The following ZFP91 variants were observed in gnomAD, a reference collection of about 807,000 sequenced individuals.
ZFP91 encodes E3 ubiquitin-protein ligase ZFP91.
In ZFP91, 7 loss-of-function variants were observed where a neutral mutation model predicts 63.5. The ratio of observed to expected loss-of-function variants is 0.11; its 90% CI spans 0.06 to 0.21. The LOEUF (loss-of-function observed/expected upper bound fraction) is 0.21, where lower values mean the gene tolerates loss of function less well. Ranked by LOEUF, ZFP91 falls within the 10% of genes least tolerant of loss-of-function variation. ZFP91 has a pLI of 1.00. For synonymous variants in ZFP91, 330 were observed against 272.1 expected, an observed-to-expected ratio of 1.21 and a Z score of -2.10; for missense variants, 628 against 736.6, an observed-to-expected ratio of 0.85 and a Z score of 1.71.
chr11:58,590,161 T>A (rs943761717), intron 2 of ZFP91, among the ~76,000 whole-genome samples: 15 of 152,200 alleles, frequency 9.9e-5, no homozygotes, highest in Non-Finnish European at 1.5e-4. Flanking sequence ...TCCAAAACCT[T>A]TAAGAGAGAC....
At position 58,579,426 on chromosome 11, in the gene ZFP91, G is replaced by A; in HGVS notation, c.145G>A (p.Val49Met). The change falls in exon 1 of 11, where the codon GTG (valine) becomes ATG (methionine). Residue 49 changes from valine (V) to methionine (M), a missense_variant. Physicochemically the swap from Val to Met is conservative, Grantham distance 21. Around this residue, in one of 3 missense-constraint regions of ZFP91, gnomAD observed 437 missense variants for 380.3 expected, o/e 1.15. Transcript: ENST00000316059. Reference sequence around the variant, plus strand: ...GCCTGCAGGGACCACTAGCAGCCGCGTGCTGAGGGGAGGTCGGGACCGAGG... The same window carrying A: ...GCCTGCAGGGACCACTAGCAGCCGCATGCTGAGGGGAGGTCGGGACCGAGG... The part of the protein sequence containing the change: ...AAPAGTTSSR[V>M]LRGGRDRGRA... 1 of 1,446,342 alleles carries A rather than the reference G, an allele frequency of 6.9e-7. No homozygotes were observed. The highest frequency in any genetic ancestry group is 9.0e-7 in the Non-Finnish European group (1 of 1,108,332). The allele number at this position is 1,446,342 out of a possible 1,614,324, so 89.6% of individuals were successfully genotyped here. A position where few individuals can be genotyped will look rare whatever the true frequency, so the allele number is the denominator to read the frequency against.
chr11:58,589,115 A>G (rs1042609530), intron 2 of ZFP91, among the ~76,000 whole-genome samples: 1 of 152,176 alleles, frequency 6.6e-6, no homozygotes, highest in Non-Finnish European at 1.5e-5. Context: ...TTTATTGCCC[A>G]GGCTGGAGTG....
chr11:58,587,754 C>T (rs1469042284), intron 2 of ZFP91, among the ~76,000 whole-genome samples: 1 of 152,080 alleles, frequency 6.6e-6, no homozygotes, highest in Non-Finnish European at 1.5e-5. Flanking sequence ...ACTTTCTAAC[C>T]TCTGACTAGA....
At chr11:58,607,387 G>T (rs1855585619) in intron 2 of ZFP91, among the ~76,000 whole-genome samples, 1 of 152,114 alleles carries the variant, frequency 6.6e-6, no homozygotes, top group African/African-American at 2.4e-5. Flanking sequence ...TGGGCTTCCA[G>T]ATACTTTATG....
intron 1 of ZFP91, among the ~76,000 whole-genome samples, chr11:58,583,892 A>G: frequency 6.6e-6 from 1 of 151,946 alleles, no homozygotes; most frequent in East Asian, 1.9e-4. Context: ...TAGAGTCTTT[A>G]CTATATTAGG....
chr11:58,614,158 T>G (rs1855712282), intron 8 of ZFP91, 71 bp from the exon 9 acceptor site: 3 of 979,966 alleles, frequency 3.1e-6, no homozygotes, highest in Non-Finnish European at 4.5e-6. Flanking sequence ...TACTTTTGAC[T>G]TAGCAAAGAC....
intron 2 of ZFP91, among the ~76,000 whole-genome samples, chr11:58,587,549 A>G (rs1469082065): frequency 2.0e-5 from 3 of 152,196 alleles, no homozygotes; most frequent in Non-Finnish European, 4.4e-5. Context: ...GCAGAGGATT[A>G]TCTTCATGAT....
At chr11:58,593,194 A>G (rs574075631) in intron 2 of ZFP91, among the ~76,000 whole-genome samples, 2 of 152,202 alleles carry the variant, frequency 1.3e-5, no homozygotes, top group Non-Finnish European at 2.9e-5. Context: ...AATGTATTAC[A>G]TATTTCACAG....
intron 2 of ZFP91, among the ~76,000 whole-genome samples, chr11:58,591,595 C>G (rs72921844): frequency 9.3e-4 from 141 of 152,222 alleles, no homozygotes; most frequent in Admixed American, 2.0e-3. Context: ...ATAGTTAATC[C>G]GTATTCTCAC....
At chr11:58,603,721 A>G (rs1281970299) in intron 2 of ZFP91, among the ~76,000 whole-genome samples, 1 of 152,238 alleles carries the variant, frequency 6.6e-6, no homozygotes, top group Non-Finnish European at 1.5e-5. Context: ...ACAAACCATT[A>G]TCCACAAAAG....
At chr11:58,616,607 G>A in intron 9 of ZFP91, 109 bp from the exon 10 acceptor site, 1 of 747,250 alleles carries the variant, frequency 1.3e-6, no homozygotes, top group South Asian at 2.0e-5. Context: ...ATTGAAAACA[G>A]CATTGCTTTT....
Position 58,612,705 on chromosome 11 carries a change from T to C in ZFP91, c.909-57T>C. On this transcript the variant is annotated intron_variant, in intron 7 of 10. Transcript: ENST00000316059. ...TAGCACAGTTTAAGTCAGAGGCCAC[T>C]GTGCAGAGTACCACTTTTTTTTTTT... The C allele has an allele frequency of 2.9e-6, 4 of 1,369,540 alleles. No individual in the cohort carries two copies. In the South Asian group the frequency reaches 5.0e-5, roughly 17 times the overall value. 84.8% of individuals were successfully genotyped at this position (1,369,540 alleles called of 1,614,324 possible).
rs541402913 is a variant in ZFP91 at position 58,610,166 on chromosome 11, T to C, written c.580+127T>C. ...TTTGATGGTGTAGGTGGTATTTCTT[T>C]GAACAGTTTGCAGATATTCTGCTTT... On this transcript the variant is annotated intron_variant, in intron 3 of 10. Transcript: ENST00000316059. 22 of 1,412,240 alleles carry C rather than the reference T, an allele frequency of 1.6e-5. No individual in the cohort carries two copies. The African/African-American group carries it at 3.0e-4, about 19-fold the overall frequency. 87.5% of individuals were successfully genotyped at this position (1,412,240 alleles called of 1,614,324 possible).
rs1055406151 is a variant in ZFP91 at position 58,594,632 on chromosome 11, C to T, written c.370+9748C>T. Reference sequence around the variant, plus strand: ...ATTTTTTATCCTTTCTGTCAGTGCACCAGTGGCTGATGTCTGCTTTGAAAT... The same window carrying T: ...ATTTTTTATCCTTTCTGTCAGTGCATCAGTGGCTGATGTCTGCTTTGAAAT... On this transcript the variant is annotated intron_variant, in intron 2 of 10. Transcript: ENST00000316059. 3.9e-5 allele frequency among the ~76,000 whole-genome samples: 6 copies of T among 152,162 alleles called. No individual in the cohort carries two copies. In the East Asian group the frequency reaches 1.2e-3, roughly 29 times the overall value.
intron 2 of ZFP91, among the ~76,000 whole-genome samples, chr11:58,597,462 T>C (rs867383496): frequency 1.3e-5 from 2 of 152,182 alleles, no homozygotes; most frequent in Non-Finnish European, 2.9e-5. Context: ...TGCTGCCTCT[T>C]GGTCAGTAGA....
In ZFP91 at chr11:58,609,910, G is replaced by A. The variant is rs1293392632; in HGVS notation, c.451G>A (p.Gly151Ser). The part of the protein sequence containing the change: ...VSIAASRPSR[G>S]WRSSRTSVSR... ...CATTGCTGCATCTAGACCTAGCCGG[G>A]GCTGGCGTAGTAGTAGGACATCTGT... Residue 151 changes from glycine (G) to serine (S), a missense_variant, in exon 3 of 11, where the codon GGC becomes AGC. Gly to Ser is a moderately conservative substitution (Grantham distance 56). Coordinates refer to ENST00000316059, the MANE Select transcript of ZFP91 (RefSeq NM_053023.5). The A allele has an allele frequency of 1.9e-6, 3 of 1,614,020 alleles. No homozygotes were observed. In the South Asian group the frequency reaches 3.3e-5, roughly 18 times the overall value.
chr11:58,609,672 C>A (rs186342205), intron 2 of ZFP91, among the ~76,000 whole-genome samples, 158 bp from the exon 3 acceptor site: 1 of 152,106 alleles, frequency 6.6e-6, no homozygotes, highest in Non-Finnish European at 1.5e-5. Flanking sequence ...TAAGTTTTAT[C>A]TCATTTTCCT....
chr11:58,610,223 G>A, intron 3 of ZFP91, 75 bp from the exon 4 acceptor site: 1 of 1,509,726 alleles, frequency 6.6e-7, no homozygotes, highest in Non-Finnish European at 9.0e-7. Flanking sequence ...AATTTGATTT[G>A]CATTTCTTGA....
At position 58,617,070 on chromosome 11, in the gene ZFP91, T is replaced by TTGTGTGTG. The variant is rs143676081; in HGVS notation, c.1203-104_1203-97dup. On this transcript the variant is annotated intron_variant, in intron 10 of 10. Transcript: ENST00000316059. This position sits in a 1 kb window ranked among gnomAD's most constrained non-coding sequence, Gnocchi z 4.2. The stretch of plus-strand genomic sequence containing the variant: ...TTCAAAAGAAGTATGTTACTGATTA[T>TTGTGTGTG]TGTGTGTGTGTGTGTGTGTGTGTGT... The TTGTGTGTG allele has an allele frequency of 0.11, 79,627 of 737,522 alleles. 1,940 individuals are homozygous for TTGTGTGTG. Among genetic ancestry groups the TTGTGTGTG allele is most frequent in the Middle Eastern group, 0.15 (359 of 2,444 alleles). 45.7% of individuals were successfully genotyped at this position (737,522 alleles called of 1,614,324 possible).
Sources: gnomAD v4.1 joint callset for allele counts (sites outside exome capture counted in the v4.1 genomes callset) on GRCh38, gnomAD v4.1.1 for gene constraint, gnomAD v4.1.1 regional missense constraint, Gnocchi (gnomAD v3.1) non-coding constraint, MANE v1.5 for transcripts, NCBI Gene and HGNC (gene_info 2026-07-23, HGNC 2026-07-21) for gene names.